Variants in ITGB6 observed in about 807,000 individuals in gnomAD.
The protein encoded by ITGB6 is integrin subunit beta 6.
ITGB6 carries 80 observed loss-of-function variants against 84.5 expected under a neutral mutation model. That is an observed-to-expected ratio of 0.95 (90% CI 0.79 to 1.14). The LOEUF is 1.14. ITGB6 is among the 50% of genes most tolerant of loss of function. ITGB6 has a pLI of 0.00. For missense variants in ITGB6, 1,006 were observed against 968.0 expected (o/e 1.04, Z -0.52); for synonymous variants, 383 against 354.9 (o/e 1.08, Z -0.89).
chr2:160,193,937 G>A (rs752220017), intron 4 of ITGB6, among the ~76,000 whole-genome samples: 9 of 152,126 alleles, frequency 5.9e-5, no homozygotes, highest in East Asian at 1.9e-4. Flanking sequence ...CGGGTGGATC[G>A]CTTGAGGTCA....
chr2:160,180,861 T>A (rs761199670), intron 4 of ITGB6, among the ~76,000 whole-genome samples: 3 of 152,050 alleles, frequency 2.0e-5, no homozygotes, highest in Non-Finnish European at 2.9e-5. Flanking sequence ...GGGTGGGGCG[T>A]CACCTCACCA....
chr2:160,182,457 G>C (rs888139958), intron 4 of ITGB6, among the ~76,000 whole-genome samples: 1 of 152,148 alleles, frequency 6.6e-6, no homozygotes, highest in African/African-American at 2.4e-5. Flanking sequence ...AGAATGAAAA[G>C]GAACAATCAA....
intron 4 of ITGB6, among the ~76,000 whole-genome samples, chr2:160,188,338 T>A (rs1456325970): frequency 6.6e-6 from 1 of 152,150 alleles, no homozygotes; most frequent in African/African-American, 2.4e-5. Flanking sequence ...GGGAAACATA[T>A]AATCTTGCCA....
At chr2:160,155,512 G>A (rs963853191) in intron 7 of ITGB6, among the ~76,000 whole-genome samples, 2 of 152,148 alleles carry the variant, frequency 1.3e-5, no homozygotes, top group Non-Finnish European at 2.9e-5. Context: ...GTACTACCGT[G>A]GTGGGAGATG....
At chr2:160,123,941 G>T in intron 11 of ITGB6, 53 bp from the exon 12 acceptor site, 1 of 1,328,726 alleles carries the variant, frequency 7.5e-7, no homozygotes, top group Non-Finnish European at 1.1e-6. Flanking sequence ...AAATAGATTT[G>T]CAGCTTGAAT....
At chr2:160,103,439 T>C (rs1014797495) in intron 14 of ITGB6, among the ~76,000 whole-genome samples, 1 of 152,112 alleles carries the variant, frequency 6.6e-6, no homozygotes, top group African/African-American at 2.4e-5. Context: ...AACAGAAAAA[T>C]GTTCCTTGGC....
At chr2:160,116,101 CAGG>C (rs1410135374) in intron 12 of ITGB6, among the ~76,000 whole-genome samples, 2 of 145,770 alleles carry the variant, frequency 1.4e-5, no homozygotes, top group Non-Finnish European at 3.0e-5. Context: ...GGATATTATC[CAGG>C]AGAACTTCCC....
chr2:160,137,207 G>T (rs1234988002), intron 10 of ITGB6, among the ~76,000 whole-genome samples: 2 of 152,130 alleles, frequency 1.3e-5, no homozygotes, highest in South Asian at 4.1e-4. Context: ...TCTACGCTTA[G>T]GGAAACAATA....
At chr2:160,107,306 C>T (rs1192095724) in intron 14 of ITGB6, among the ~76,000 whole-genome samples, 1 of 151,990 alleles carries the variant, frequency 6.6e-6, no homozygotes, top group African/African-American at 2.4e-5. Context: ...ATAACATAAC[C>T]AATTTATGGA....
intron 12 of ITGB6, among the ~76,000 whole-genome samples, chr2:160,122,493 C>A (rs1057271004): frequency 1.3e-5 from 2 of 152,180 alleles, no homozygotes; most frequent in Non-Finnish European, 2.9e-5. Flanking sequence ...CACTTGGTAA[C>A]TATCCCCAGT....
intron 14 of ITGB6, among the ~76,000 whole-genome samples, chr2:160,103,553 C>T (rs188116034): frequency 5.7e-4 from 87 of 152,190 alleles, no homozygotes; most frequent in Middle Eastern, 3.4e-3. Context: ...AGTCTTGCTG[C>T]TCTAAGAATT....
chr2:160,127,424 CA>C (rs1352730860), intron 10 of ITGB6, among the ~76,000 whole-genome samples: 2 of 152,222 alleles, frequency 1.3e-5, no homozygotes, highest in Admixed American at 1.3e-4. Context: ...TAGACTCTTT[CA>C]ACCAATCACC....
intron 6 of ITGB6, among the ~76,000 whole-genome samples, chr2:160,169,837 A>G (rs1014696529): frequency 3.3e-5 from 5 of 152,242 alleles, no homozygotes; most frequent in African/African-American, 1.2e-4. Flanking sequence ...TTTTACTGCC[A>G]TTTTAATATC....
At chr2:160,170,014 GA>G (rs1685144619) in intron 6 of ITGB6, among the ~76,000 whole-genome samples, 1 of 152,152 alleles carries the variant, frequency 6.6e-6, no homozygotes, top group South Asian at 2.1e-4. Flanking sequence ...TTCAAGTTTG[GA>G]AAATATTATG....
At chr2:160,177,293 G>A (rs1453242607) in intron 4 of ITGB6, among the ~76,000 whole-genome samples, 7 of 151,938 alleles carry the variant, frequency 4.6e-5, no homozygotes, top group Non-Finnish European at 8.8e-5. Flanking sequence ...CTGGCCAGGC[G>A]CTGTGGCTCA....
rs568752229 is a variant in ITGB6 at position 160,100,058 on chromosome 2, T to C, written c.*1678A>G. 3.3e-5 allele frequency: 5 copies of C among 152,302 alleles called. No homozygotes were observed. In the East Asian group the frequency reaches 9.6e-4, roughly 29 times the overall value. 9.4% of individuals were successfully genotyped at this position (152,302 alleles called of 1,614,324 possible). A position where few individuals can be genotyped will look rare whatever the true frequency, so the allele number is the denominator to read the frequency against. On this transcript the variant is annotated 3_prime_UTR_variant, in exon 15 of 15. Transcript: ENST00000283249. ...AAAGGGTATATCAGCCCTTCGGATT[T>C]TCAAGGTGATTTTTCAGTAATTCTT...
intron 10 of ITGB6, among the ~76,000 whole-genome samples, chr2:160,131,899 T>C (rs1173858806): frequency 6.6e-6 from 1 of 152,092 alleles, no homozygotes; most frequent in Non-Finnish European, 1.5e-5. Context: ...TGGTAAAAAA[T>C]AAAGCGAAAG....
chr2:160,195,392 T>C lies in ITGB6; in HGVS notation c.570A>G (p.Pro190=), dbSNP rs1008506096. ...KPVSPFVKTT[P]EEIANPCSSI... is the part of the protein sequence containing the mutation. ...ACCTGCAAGGGTTGGCAATTTCTTC[T>C]GGTGTTGTTTTCACAAAAGGGGATA... Residue 190 remains proline (P), a synonymous_variant, in exon 4 of 15, where the codon CCA becomes CCG. Transcript: ENST00000283249. The C allele has an allele frequency of 1.2e-6, 2 of 1,614,072 alleles. No individual in the cohort carries two copies. Among genetic ancestry groups the C allele is most frequent in the African/African-American group, 2.7e-5 (2 of 74,942 alleles).
chr2:160,101,602 AG>A lies in ITGB6; in HGVS notation c.*133del. On this transcript the variant is annotated 3_prime_UTR_variant, in exon 15 of 15. Coordinates refer to ENST00000283249, the MANE Select transcript of ITGB6 (RefSeq NM_000888.5). ...CCAACAGTCTGTCACCTTCATGTAG[AG>A]GATGACTTATCTGCAGATGTCCTAT... 1 of 662,884 alleles carries A rather than the reference AG, an allele frequency of 1.5e-6. No individual in the cohort carries two copies. Among genetic ancestry groups the A allele is most frequent in the South Asian group, 1.7e-5 (1 of 58,678 alleles). 41.1% of individuals were successfully genotyped at this position (662,884 alleles called of 1,614,324 possible).
Sources: gnomAD v4.1 joint callset for allele counts (sites outside exome capture counted in the v4.1 genomes callset) on GRCh38, gnomAD v4.1.1 for gene constraint, MANE v1.5 for transcripts, NCBI Gene and HGNC (gene_info 2026-07-23, HGNC 2026-07-21) for gene names.